SSH1: variants seen among roughly 807,000 people sequenced by gnomAD.
The protein encoded by SSH1 is protein phosphatase Slingshot homolog 1.
Under a neutral mutation model 79.7 loss-of-function variants are expected in SSH1, and 43 were observed. The observed-to-expected ratio is 0.54, with a 90% CI of 0.42 to 0.70. The LOEUF (loss-of-function observed/expected upper bound fraction) is 0.70, where lower values mean the gene tolerates loss of function less well. Ranked by LOEUF, SSH1 falls within the 30% of genes least tolerant of loss-of-function variation. The pLI is 0.00. For synonymous variants in SSH1, 599 were observed against 538.3 expected, an observed-to-expected ratio of 1.11 and a Z score of -1.56; for missense variants, 1,206 against 1,358.8, an observed-to-expected ratio of 0.89 and a Z score of 1.77.
intron 2 of SSH1, among the ~76,000 whole-genome samples, chr12:108,837,777 A>G (rs1394180751): frequency 6.6e-6 from 1 of 151,284 alleles, no homozygotes; most frequent in African/African-American, 2.4e-5. Flanking sequence ...TCGAGTTACC[A>G]ATTTTTTTTT....
intron 13 of SSH1, among the ~76,000 whole-genome samples, chr12:108,796,102 G>C (rs2036740614): frequency 1.3e-5 from 2 of 152,052 alleles, no homozygotes; most frequent in African/African-American, 4.8e-5. Context: ...TTTTAGTAGA[G>C]ACGGGGTTTA....
In SSH1 at chr12:108,784,251, G is replaced by A. The variant is rs1473777167; in HGVS notation, c.*3737C>T. The A allele has an allele frequency of 6.6e-6, 1 of 152,244 alleles. No homozygotes were observed. The highest frequency in any genetic ancestry group is 1.9e-4 in the East Asian group (1 of 5,206). The allele number at this position is 152,244 out of a possible 1,614,324, so 9.4% of individuals were successfully genotyped here. Reference sequence around the variant, plus strand: ...GCATTAGTCCAGGGCCGTGCTGAGGGTCTGTTCTGTTCAAGCTCAGCTCCA... The same window carrying A: ...GCATTAGTCCAGGGCCGTGCTGAGGATCTGTTCTGTTCAAGCTCAGCTCCA... On this transcript the variant is annotated 3_prime_UTR_variant, in exon 15 of 15. Coordinates refer to ENST00000326495, the MANE Select transcript of SSH1 (RefSeq NM_018984.4).
chr12:108,856,321 C>T (rs2039142451), intron 1 of SSH1, among the ~76,000 whole-genome samples: 1 of 152,258 alleles, frequency 6.6e-6, no homozygotes, highest in African/African-American at 2.4e-5. Flanking sequence ...TAGGACAAGC[C>T]AGGCCAACCC....
rs908327419 is a variant in SSH1, at chr12:108,787,374, G to A, written c.*614C>T. The A allele has an allele frequency of 1.9e-5, 3 of 155,398 alleles. No homozygotes were observed. The highest frequency in any genetic ancestry group is 7.2e-5 in the African/African-American group (3 of 41,460). 9.6% of individuals were successfully genotyped at this position (155,398 alleles called of 1,614,324 possible). On this transcript the variant is annotated 3_prime_UTR_variant, in exon 15 of 15. Transcript: ENST00000326495. ...AACAGCGTGGGACTACTCATCTGATGACTTTACTCAGCAGTGCTTGGGGCT... is the reference window on the plus strand; with the variant it reads ...AACAGCGTGGGACTACTCATCTGATAACTTTACTCAGCAGTGCTTGGGGCT...
chr12:108,815,387 C>T (rs573396604), intron 5 of SSH1, among the ~76,000 whole-genome samples: 57 of 152,200 alleles, frequency 3.7e-4, no homozygotes, highest in Non-Finnish European at 6.6e-4. Flanking sequence ...ACTGCTCCCA[C>T]GGTTAGGATC....
Position 108,805,045 on chromosome 12 carries a change from A to C in SSH1, c.954+11T>G. 1 of 1,614,122 alleles carries C rather than the reference A, an allele frequency of 6.2e-7. No individual in the cohort carries two copies. The highest frequency in any genetic ancestry group is 8.5e-7 in the Non-Finnish European group (1 of 1,179,962). On this transcript the variant is annotated intron_variant, in intron 10 of 14. Coordinates refer to ENST00000326495, the MANE Select transcript of SSH1 (RefSeq NM_018984.4). ...CCCCAAACCAGATACTGCCAGGGCC[A>C]TGCCTCTTACGAGATAAAGATGATC...
chr12:108,847,705 G>A (rs574737193), intron 2 of SSH1, among the ~76,000 whole-genome samples: 4 of 152,244 alleles, frequency 2.6e-5, no homozygotes, highest in Non-Finnish European at 4.4e-5. Flanking sequence ...GATCCGTCCC[G>A]CCTTGGCCTT....
At position 108,818,956 on chromosome 12, in the gene SSH1, G is replaced by A. The variant is rs572957517; in HGVS notation, c.215-643C>T. ...TATAGTAGAGATGGAGTTTCACCAT[G>A]TTGGCCAGGCTGGTCTCGAACTCCT... is the stretch of plus-strand genomic sequence containing the variant. On this transcript the variant is annotated intron_variant, in intron 3 of 14. Coordinates refer to ENST00000326495, the MANE Select transcript of SSH1 (RefSeq NM_018984.4). Among the ~76,000 whole-genome samples, 66 of 152,290 alleles carry A rather than the reference G, an allele frequency of 4.3e-4. 1 individual carries two copies. In the South Asian group the frequency reaches 0.013, roughly 31 times the overall value.
intron 10 of SSH1, among the ~76,000 whole-genome samples, chr12:108,802,681 G>A (rs192558846): frequency 3.5e-5 from 5 of 143,190 alleles, no homozygotes; most frequent in East Asian, 2.0e-4. Context: ...AGAGTCCAGT[G>A]GGGGGGGGTC....
intron 13 of SSH1, among the ~76,000 whole-genome samples, chr12:108,798,435 C>T (rs1157523247): frequency 6.6e-6 from 1 of 152,212 alleles, no homozygotes; most frequent in Non-Finnish European, 1.5e-5. Context: ...AACTCTTGGG[C>T]TCAAGCAATA....
intron 2 of SSH1, among the ~76,000 whole-genome samples, chr12:108,844,269 GA>G (rs751737297): frequency 0.027 from 3,882 of 145,274 alleles, 63 homozygotes; most frequent in Non-Finnish European, 0.042. Context: ...CAAAATCATA[GA>G]AAAAAAAAAA....
rs1193999669 is a variant in SSH1 at position 108,778,602 on chromosome 12, A to C, written c.*9386T>G. 1 of 152,206 alleles carries C rather than the reference A, an allele frequency of 6.6e-6. No homozygotes were observed. Among genetic ancestry groups the C allele is most frequent in the Admixed American group, 6.6e-5 (1 of 15,262 alleles). The allele number at this position is 152,206 out of a possible 1,614,324, so 9.4% of individuals were successfully genotyped here. The stretch of plus-strand genomic sequence containing the variant: ...TATATCCTCCAATTCCAACAATAAC[A>C]ACCACCATTTATTTATTAGGTAGTG... On this transcript the variant is annotated 3_prime_UTR_variant, in exon 15 of 15. Transcript: ENST00000326495.
At chr12:108,824,777 T>A (rs2038252208) in intron 2 of SSH1, among the ~76,000 whole-genome samples, 1 of 152,230 alleles carries the variant, frequency 6.6e-6, no homozygotes, top group African/African-American at 2.4e-5. Context: ...TATTTTTAAT[T>A]TCACTTTCAT....
intron 8 of SSH1, 92 bp from the exon 9 acceptor site, chr12:108,806,486 G>C (rs2037281118): frequency 1.7e-6 from 2 of 1,171,004 alleles, no homozygotes; most frequent in African/African-American, 3.0e-5. Context: ...GGTCTAAACA[G>C]AACACGGCTT....
At chr12:108,853,600 A>G (rs1455193451) in intron 1 of SSH1, among the ~76,000 whole-genome samples, 5 of 151,942 alleles carry the variant, frequency 3.3e-5, no homozygotes, top group African/African-American at 1.2e-4. Context: ...AGCAAGGGAC[A>G]CCCACCAGGA....
chr12:108,790,680 T>C, intron 14 of SSH1, among the ~76,000 whole-genome samples: 1 of 152,258 alleles, frequency 6.6e-6, no homozygotes, highest in East Asian at 1.9e-4. Flanking sequence ...GAATGCTTTA[T>C]GGAGGTCGAC....
intron 2 of SSH1, chr12:108,827,273 T>C: frequency 6.4e-7 from 1 of 1,550,434 alleles, no homozygotes; most frequent in Admixed American, 2.0e-5. Flanking sequence ...TAATTTGAGC[T>C]GGAAACCTCT....
intron 1 of SSH1, among the ~76,000 whole-genome samples, chr12:108,856,444 G>A (rs139736135): frequency 9.7e-4 from 148 of 152,330 alleles, no homozygotes; most frequent in African/African-American, 3.4e-3. Flanking sequence ...GCCAGGACAC[G>A]CAACCCAGGA....
chr12:108,825,798 G>C (rs1406176373), intron 2 of SSH1, among the ~76,000 whole-genome samples: 1 of 152,134 alleles, frequency 6.6e-6, no homozygotes, highest in African/African-American at 2.4e-5. Flanking sequence ...GAAGTAAAAA[G>C]CTCTTTAGCA....
Sources: gnomAD v4.1 joint callset for allele counts (sites outside exome capture counted in the v4.1 genomes callset) on GRCh38, gnomAD v4.1.1 for gene constraint, MANE v1.5 for transcripts, NCBI Gene and HGNC (gene_info 2026-07-23, HGNC 2026-07-21) for gene names.